Variants in SULT2B1 observed in about 807,000 individuals in gnomAD.
The protein encoded by SULT2B1 is sulfotransferase 2B1.
Under a neutral mutation model 33.2 loss-of-function variants are expected in SULT2B1, and 16 were observed. The ratio of observed to expected loss-of-function variants is 0.48; its 90% CI spans 0.33 to 0.73. The LOEUF is 0.73. Ranked by LOEUF, SULT2B1 falls within the 30% of genes least tolerant of loss-of-function variation. The pLI is 0.02. For synonymous variants in SULT2B1, 186 were observed against 200.5 expected (o/e 0.93, Z 0.61); for missense variants, 500 against 506.0 (o/e 0.99, Z 0.11).
chr19:48,585,764 G>A (rs1973553145), intron 2 of SULT2B1, among the ~76,000 whole-genome samples: 1 of 152,104 alleles, frequency 6.6e-6, no homozygotes, highest in Non-Finnish European at 1.5e-5. Flanking sequence ...CACCAACATG[G>A]CACATGTATA....
intron 3 of SULT2B1, among the ~76,000 whole-genome samples, chr19:48,587,723 C>A (rs1246512301): frequency 6.6e-6 from 1 of 151,146 alleles, no homozygotes; most frequent in Non-Finnish European, 1.5e-5. Context: ...CAGACCACAT[C>A]ATTACAAGAA....
intron 5 of SULT2B1, chr19:48,596,472 CT>C (rs1221526313): frequency 1.7e-4 from 41 of 241,584 alleles, no homozygotes; most frequent in East Asian, 6.4e-4. Context: ...CCTCTGCCCC[CT>C]GCTGTGACCT....
chr19:48,563,504 G>A lies in SULT2B1; in HGVS notation c.71+11181G>A, dbSNP rs140745462. 1.1e-3 allele frequency among the ~76,000 whole-genome samples: 174 copies of A among 152,232 alleles called. 1 individual carries two copies. The highest frequency in any genetic ancestry group is 4.1e-3 in the African/African-American group (171 of 41,538). ...CAAGCTCTAATGTATACACAGACACGGAAAATGTCAGAAACATTATGCTAG... is the reference window on the plus strand; with the variant it reads ...CAAGCTCTAATGTATACACAGACACAGAAAATGTCAGAAACATTATGCTAG... On this transcript the variant is annotated intron_variant, in intron 1 of 6. Transcript: ENST00000201586.
At chr19:48,561,436 A>AATAC (rs1178305364) in intron 1 of SULT2B1, among the ~76,000 whole-genome samples, 49 of 150,212 alleles carry the variant, frequency 3.3e-4, no homozygotes, top group African/African-American at 1.2e-3. Context: ...TCTCAAAATA[A>AATAC]ATAAATAAAT....
chr19:48,569,346 A>AG (rs1228632211), intron 1 of SULT2B1, among the ~76,000 whole-genome samples: 96,108 of 135,068 alleles, frequency 0.71, 34,495 homozygotes, highest in African/African-American at 0.8. Context: ...CGTCTCAAAA[A>AG]AAAAAAAAAA....
At chr19:48,572,550 G>A (rs1973345329) in intron 1 of SULT2B1, among the ~76,000 whole-genome samples, 1 of 151,986 alleles carries the variant, frequency 6.6e-6, no homozygotes, top group East Asian at 1.9e-4. Context: ...TATCTGACCT[G>A]TGTCGAGGTG....
intron 1 of SULT2B1, among the ~76,000 whole-genome samples, chr19:48,558,019 T>C (rs1441863840): frequency 6.6e-6 from 1 of 152,224 alleles, no homozygotes; most frequent in East Asian, 1.9e-4. Context: ...CCCAGTAGGC[T>C]GACAAGCCCA....
intron 2 of SULT2B1, among the ~76,000 whole-genome samples, chr19:48,579,609 T>TTTCTTTTTTC (rs1568409551): frequency 1.8e-4 from 4 of 22,080 alleles, no homozygotes; most frequent in African/African-American, 4.7e-4. Flanking sequence ...TTCTTTCTTT[T>TTTCTTTTTTC]TTTTTTTTTT....
At chr19:48,575,131 CAG>C (rs1392892716) in intron 1 of SULT2B1, among the ~76,000 whole-genome samples, 12 of 99,892 alleles carry the variant, frequency 1.2e-4, no homozygotes, top group Admixed American at 7.7e-4. Context: ...TTTTTTGAGA[CAG>C]AGTCTCGCTC....
intron 6 of SULT2B1, among the ~76,000 whole-genome samples, chr19:48,597,762 G>C (rs1472504539): frequency 6.7e-6 from 1 of 149,824 alleles, no homozygotes; most frequent in Non-Finnish European, 1.5e-5. Context: ...TCCTGCCTCA[G>C]CCTCCCAAGT....
At chr19:48,564,663 T>C (rs1415465436) in intron 1 of SULT2B1, among the ~76,000 whole-genome samples, 2 of 152,080 alleles carry the variant, frequency 1.3e-5, no homozygotes, top group Non-Finnish European at 2.9e-5. Context: ...TTTGGGGTTT[T>C]TTAAATTTTT....
intron 2 of SULT2B1, among the ~76,000 whole-genome samples, chr19:48,579,605 C>CTTTTTTTTT (rs149157128): frequency 2.5e-5 from 2 of 79,736 alleles, no homozygotes; most frequent in African/African-American, 1.0e-4. Flanking sequence ...TTCTTTCTTT[C>CTTTTTTTTT]TTTTTTTTTT....
chr19:48,561,679 G>A (rs537019043), intron 1 of SULT2B1, among the ~76,000 whole-genome samples: 3 of 152,088 alleles, frequency 2.0e-5, no homozygotes, highest in Non-Finnish European at 4.4e-5. Flanking sequence ...CAGCTACAGT[G>A]GGACTCGGAT....
chr19:48,597,335 CTCTTTTTTTTT>C (rs1342608350), intron 6 of SULT2B1, among the ~76,000 whole-genome samples: 2 of 103,510 alleles, frequency 1.9e-5, no homozygotes, highest in East Asian at 6.4e-4. Context: ...AACACGTTTA[CTCTTTTTTTTT>C]TTTTTTTTTT....
intron 1 of SULT2B1, among the ~76,000 whole-genome samples, chr19:48,558,679 C>CTTTTTTTTTTTTTTTTTTTT (rs869189397): frequency 1.6e-4 from 17 of 106,178 alleles, no homozygotes; most frequent in African/African-American, 5.4e-4. Context: ...CTTTTCTTTT[C>CTTTTTTTTTTTTTTTTTTTT]TTTTTTTTTT....
intron 5 of SULT2B1, 32 bp downstream of exon 5, chr19:48,592,848 C>T (rs1973661631): frequency 2.0e-6 from 3 of 1,527,746 alleles, no homozygotes; most frequent in Admixed American, 2.0e-5. Flanking sequence ...GTGCAGCGTC[C>T]CCCCCATACC....
At chr19:48,569,591 T>C (rs1973294172) in intron 1 of SULT2B1, among the ~76,000 whole-genome samples, 1 of 151,538 alleles carries the variant, frequency 6.6e-6, no homozygotes, top group African/African-American at 2.4e-5. Flanking sequence ...CTTGAACTCC[T>C]GGCCTCAAGC....
At chr19:48,557,946 A>T (rs1244517935) in intron 1 of SULT2B1, among the ~76,000 whole-genome samples, 1 of 151,986 alleles carries the variant, frequency 6.6e-6, no homozygotes, top group Non-Finnish European at 1.5e-5. Context: ...TAAAAAAATT[A>T]AAAAAAATAA....
intron 1 of SULT2B1, among the ~76,000 whole-genome samples, chr19:48,563,749 G>A (rs1359452260): frequency 6.6e-6 from 1 of 152,076 alleles, no homozygotes; most frequent in Non-Finnish European, 1.5e-5. Context: ...TGGATCACTT[G>A]AGGCCAGGAG....
Sources: gnomAD v4.1 joint callset for allele counts (sites outside exome capture counted in the v4.1 genomes callset) on GRCh38, gnomAD v4.1.1 for gene constraint, MANE v1.5 for transcripts, NCBI Gene and HGNC (gene_info 2026-07-23, HGNC 2026-07-21) for gene names.